ECH1: variants seen among roughly 807,000 people sequenced by gnomAD.
ECH1 encodes enoyl-CoA hydratase 1.
In ECH1, 30 loss-of-function variants were observed where a neutral mutation model predicts 37.0. That is an observed-to-expected ratio of 0.81 (90% CI 0.61 to 1.10). The LOEUF is 1.10. Among genes scored for constraint, ECH1 ranks in the 50% least tolerant of loss-of-function variants. ECH1 has a pLI of 0.00. For synonymous variants in ECH1, 178 were observed against 176.0 expected, an observed-to-expected ratio of 1.01 and a Z score of -0.09; for missense variants, 456 against 441.6, an observed-to-expected ratio of 1.03 and a Z score of -0.29.
intron 3 of ECH1, among the ~76,000 whole-genome samples, chr19:38,828,838 G>C (rs1030399934): frequency 6.7e-6 from 1 of 150,164 alleles, no homozygotes; most frequent in South Asian, 2.1e-4. Flanking sequence ...AGCCAGGATG[G>C]TCTCGATCTC....
intron 3 of ECH1, among the ~76,000 whole-genome samples, chr19:38,824,353 G>A (rs192890050): frequency 3.3e-5 from 5 of 152,192 alleles, no homozygotes; most frequent in East Asian, 3.9e-4. Context: ...CAACTATTCC[G>A]ATCAGCAGGG....
At chr19:38,816,088 TCA>T (rs1971571484) in intron 8 of ECH1, 81 bp from the exon 9 acceptor site, 2 of 1,580,118 alleles carry the variant, frequency 1.3e-6, no homozygotes, top group South Asian at 1.1e-5. Context: ...AAGTGGCCAC[TCA>T]CAGAGGAAGG....
At position 38,816,238 on chromosome 19, in the gene ECH1, A is replaced by G. The variant is rs749811082; in HGVS notation, c.731+46T>C. 7 of 1,606,184 alleles carry G rather than the reference A, an allele frequency of 4.4e-6. No homozygotes were observed. In the East Asian group the frequency reaches 8.9e-5, roughly 20 times the overall value. The stretch of plus-strand genomic sequence containing the variant: ...GACCCGGAGAGGCCTCCAACCCTCC[A>G]GGCCTGGCTGCCCCCAGCACTGAGC... On this transcript the variant is annotated intron_variant, in intron 8 of 9. Transcript: ENST00000221418.
intron 6 of ECH1, 121 bp downstream of exon 6, chr19:38,816,944 G>T: frequency 8.7e-7 from 1 of 1,146,744 alleles, no homozygotes; most frequent in Non-Finnish European, 1.3e-6. Context: ...TCCTCTATGG[G>T]CAAGTCTTAC....
rs753195533 is a variant in ECH1, at chr19:38,816,422, C to G, written c.659+31G>C. Reference sequence around the variant, plus strand: ...GGGCTGGGAGATGCTCTGGGGTCTCCTGCCCACACCCCCACACCCCCTGCA... The same window carrying G: ...GGGCTGGGAGATGCTCTGGGGTCTCGTGCCCACACCCCCACACCCCCTGCA... On this transcript the variant is annotated intron_variant, in intron 7 of 9. Transcript: ENST00000221418. 5 of 1,613,790 alleles carry G rather than the reference C, an allele frequency of 3.1e-6. No homozygotes were observed. The African/African-American group carries it at 6.7e-5, about 22-fold the overall frequency.
intron 3 of ECH1, among the ~76,000 whole-genome samples, chr19:38,824,067 AT>A (rs775292292): frequency 6.6e-6 from 1 of 152,152 alleles, no homozygotes; most frequent in African/African-American, 2.4e-5. Context: ...AGCCTCAGAA[AT>A]TGTAGCTTTC....
intron 3 of ECH1, among the ~76,000 whole-genome samples, chr19:38,824,492 G>A (rs1025576365): frequency 3.9e-5 from 6 of 151,914 alleles, no homozygotes; most frequent in Non-Finnish European, 5.9e-5. Context: ...ATCCTAAGCC[G>A]TTGGGACCAA....
intron 3 of ECH1, chr19:38,818,372 G>A (rs1971608874): frequency 1.0e-6 from 1 of 985,264 alleles, no homozygotes; most frequent in Non-Finnish European, 1.2e-6. Context: ...TGCATCAGTT[G>A]TTCTCCATGA....
intron 3 of ECH1, among the ~76,000 whole-genome samples, chr19:38,825,783 G>GC (rs35398019): frequency 6.6e-6 from 1 of 152,214 alleles, no homozygotes; most frequent in African/African-American, 2.4e-5. Context: ...GAAACAAGCT[G>GC]CCCCCTCGTC....
chr19:38,819,674 A>G (rs1480216720), intron 3 of ECH1, among the ~76,000 whole-genome samples: 1 of 152,094 alleles, frequency 6.6e-6, no homozygotes, highest in Non-Finnish European at 1.5e-5. Flanking sequence ...GGCTGGGCGT[A>G]GTGGCTCACA....
Position 38,817,333 on chromosome 19 carries a change from C to G in ECH1, c.506G>C (p.Gly169Ala), listed in dbSNP as rs990108892. The G allele has an allele frequency of 1.3e-6, 2 of 1,573,612 alleles. No homozygotes were observed. The highest frequency in any genetic ancestry group is 2.7e-5 in the African/African-American group (2 of 74,380). The stretch of plus-strand genomic sequence containing the variant: ...AGACTCACCTCCGCCAATGCAGCCC[C>G]CATGGACGGCAGCAATCACGGGCTT... ...CPKPVIAAVH[G>A]GCIGGGVDLV... Residue 169 changes from glycine to alanine, a missense_variant, in exon 5 of 10, where the codon GGG becomes GCG. Gly to Ala is a moderately conservative substitution (Grantham distance 60, BLOSUM62 0). Transcript: ENST00000221418.
In ECH1 at chr19:38,815,891, C is replaced by A; in HGVS notation, c.848G>T (p.Arg283Leu). The change falls in exon 9 of 10, where the codon CGC becomes CTC. Residue 283 changes from arginine (R) to leucine (L), a missense_variant. Transcript: ENST00000221418. ...GAGGCTCTCGGCCACCGAATGGTCG[C>A]GGGAATACAGCAGGTTGACCTTGGT... ...QSTKVNLLYS[R>L]DHSVAESLNY... 1 of 1,614,156 alleles carries A rather than the reference C, an allele frequency of 6.2e-7. No homozygotes were observed. The highest frequency in any genetic ancestry group is 1.1e-5 in the South Asian group (1 of 91,086).
chr19:38,822,394 T>C (rs1971676577), intron 3 of ECH1, among the ~76,000 whole-genome samples: 1 of 148,028 alleles, frequency 6.8e-6, no homozygotes, highest in Non-Finnish European at 1.5e-5. Context: ...CAATCAGCAC[T>C]CTGTGTCTAG....
intron 3 of ECH1, among the ~76,000 whole-genome samples, chr19:38,826,165 C>G (rs1971736046): frequency 6.6e-6 from 1 of 152,192 alleles, no homozygotes; most frequent in African/African-American, 2.4e-5. Context: ...CCTGAAAGTT[C>G]CACACCCTTA....
At chr19:38,826,868 A>G (rs1176604507) in intron 3 of ECH1, among the ~76,000 whole-genome samples, 1 of 152,114 alleles carries the variant, frequency 6.6e-6, no homozygotes, top group Admixed American at 6.6e-5. Flanking sequence ...CCCAGTTCAG[A>G]AGCCTCGAGC....
At chr19:38,825,966 G>C (rs1971733549) in intron 3 of ECH1, among the ~76,000 whole-genome samples, 1 of 152,178 alleles carries the variant, frequency 6.6e-6, no homozygotes, top group Non-Finnish European at 1.5e-5. Context: ...TAACCATTGA[G>C]GGCCAGGAAA....
rs765475177 is a variant in ECH1 at position 38,817,134 on chromosome 19, G to C, written c.524-5C>G. 1.1e-5 allele frequency: 17 copies of C among 1,568,084 alleles called. No homozygotes were observed. Among genetic ancestry groups the C allele is most frequent in the Non-Finnish European group, 1.5e-5 (17 of 1,156,460 alleles). Reference sequence around the variant, plus strand: ...AGGCGGTGACAAGGTCCACACCTAGGAGGTAGAGGCCAGGGATGCTGAATG... The same window carrying C: ...AGGCGGTGACAAGGTCCACACCTAGCAGGTAGAGGCCAGGGATGCTGAATG... On this transcript the variant is annotated splice_region_variant and splice_polypyrimidine_tract_variant and intron_variant, in intron 5 of 9. Coordinates refer to ENST00000221418, the MANE Select transcript of ECH1 (RefSeq NM_001398.3).
chr19:38,829,588 C>T (rs370242368), intron 3 of ECH1, among the ~76,000 whole-genome samples: 29 of 152,040 alleles, frequency 1.9e-4, no homozygotes, highest in African/African-American at 9.7e-5. Flanking sequence ...GAGGCCGAGG[C>T]GGGCAGATCA....
intron 3 of ECH1, among the ~76,000 whole-genome samples, chr19:38,824,471 C>G (rs1277545266): frequency 6.6e-6 from 1 of 151,892 alleles, no homozygotes; most frequent in African/African-American, 2.4e-5. Flanking sequence ...ACAGGCTCAC[C>G]CTTGAAATGC....
Sources: allele counts gnomAD v4.1 joint callset (sites outside exome capture counted in the v4.1 genomes callset), GRCh38; gene constraint gnomAD v4.1.1; transcripts MANE v1.5; gene names NCBI Gene and HGNC (gene_info 2026-07-23, HGNC 2026-07-21).